NRF1: variants seen among roughly 807,000 people sequenced by gnomAD.
NRF1 encodes alpha palindromic-binding protein.
In NRF1, 5 loss-of-function variants were observed where a neutral mutation model predicts 58.5. That is an observed-to-expected ratio of 0.09 (90% CI 0.04 to 0.18). NRF1 has a LOEUF of 0.18. NRF1 is among the 10% of genes least tolerant of loss of function. The pLI, the probability that NRF1 is intolerant of heterozygous loss-of-function variation, is 1.00. For missense variants in NRF1, 288 were observed against 657.7 expected (o/e 0.44, Z 6.15); for synonymous variants, 224 against 246.7 (o/e 0.91, Z 0.86).
intron 10 of NRF1, among the ~76,000 whole-genome samples, chr7:129,743,811 G>A (rs752155817): frequency 4.6e-5 from 7 of 152,182 alleles, no homozygotes; most frequent in Non-Finnish European, 7.3e-5. Context: ...TCTGCCCCCC[G>A]ACCCAGCTGC....
At position 129,657,630 on chromosome 7, in the gene NRF1, G is replaced by A. The variant is rs936440167; in HGVS notation, c.223+56G>A. 2.8e-5 allele frequency: 28 copies of A among 995,700 alleles called. No homozygotes were observed. The African/African-American group carries it at 4.1e-4, about 14-fold the overall frequency. The allele number at this position is 995,700 out of a possible 1,614,324, so 61.7% of individuals were successfully genotyped here. A position where few individuals can be genotyped will look rare whatever the true frequency, so the allele number is the denominator to read the frequency against. On this transcript the variant is annotated intron_variant, in intron 2 of 10. Transcript: ENST00000393232. ...TAATTTTTTTTTTTTTTTTTTTGGA[G>A]ACAGCGTCTCACTCTGTTGCTCAGG...
chr7:129,694,677 C>G (rs1015533262), intron 5 of NRF1, among the ~76,000 whole-genome samples: 8 of 152,050 alleles, frequency 5.3e-5, no homozygotes, highest in African/African-American at 1.7e-4. Flanking sequence ...CAATAGCTCT[C>G]TTTTATAATT....
At chr7:129,662,764 A>AT (rs1554406205) in intron 2 of NRF1, among the ~76,000 whole-genome samples, 3 of 151,684 alleles carry the variant, frequency 2.0e-5, no homozygotes, top group African/African-American at 4.9e-5. Flanking sequence ...TTATTTATTT[A>AT]TTTTAGTATT....
chr7:129,719,378 C>T (rs1367708521), intron 9 of NRF1, among the ~76,000 whole-genome samples: 2 of 152,046 alleles, frequency 1.3e-5, no homozygotes, highest in African/African-American at 2.4e-5. Context: ...GTGATCCACC[C>T]GCCTCAGCCT....
intron 5 of NRF1, among the ~76,000 whole-genome samples, chr7:129,693,894 T>C (rs969746080): frequency 2.6e-5 from 4 of 152,192 alleles, no homozygotes; most frequent in African/African-American, 9.7e-5. Flanking sequence ...ATTTGGTGTG[T>C]TAGGGTAAAG....
chr7:129,635,153 TTAAG>T (rs1801140892), intron 1 of NRF1, among the ~76,000 whole-genome samples: 1 of 152,184 alleles, frequency 6.6e-6, no homozygotes, highest in Non-Finnish European at 1.5e-5. Context: ...GATTGTAGCA[TTAAG>T]TAAGGTATTG....
At chr7:129,632,648 A>C (rs1386905079) in intron 1 of NRF1, among the ~76,000 whole-genome samples, 2 of 152,060 alleles carry the variant, frequency 1.3e-5, no homozygotes, top group East Asian at 1.9e-4. Context: ...GAAAAAAAAA[A>C]CAATGTTTGG....
At chr7:129,743,091 G>A (rs187961606) in intron 10 of NRF1, among the ~76,000 whole-genome samples, 1 of 151,540 alleles carries the variant, frequency 6.6e-6, no homozygotes, top group African/African-American at 2.4e-5. Context: ...TTCCAGCCAT[G>A]TTACCTAGAC....
intron 10 of NRF1, among the ~76,000 whole-genome samples, chr7:129,752,713 A>G (rs769716905): frequency 6.6e-6 from 1 of 152,156 alleles, no homozygotes; most frequent in Non-Finnish European, 1.5e-5. Flanking sequence ...AATAAATAAT[A>G]ATAAAGAAAG....
intron 10 of NRF1, among the ~76,000 whole-genome samples, chr7:129,729,226 G>A (rs1803521825): frequency 2.3e-5 from 1 of 44,122 alleles, no homozygotes; most frequent in Non-Finnish European, 9.2e-5. Context: ...TCAGATGGAT[G>A]AATTTATAAT....
At chr7:129,711,315 G>T (rs1803067644) in intron 7 of NRF1, among the ~76,000 whole-genome samples, 160 bp from the exon 8 acceptor site, 1 of 152,138 alleles carries the variant, frequency 6.6e-6, no homozygotes, top group Non-Finnish European at 1.5e-5. Context: ...GATAGTCTCT[G>T]AACTATGATT....
At chr7:129,737,903 G>C (rs1562989173) in intron 10 of NRF1, among the ~76,000 whole-genome samples, 1 of 152,206 alleles carries the variant, frequency 6.6e-6, no homozygotes, top group Non-Finnish European at 1.5e-5. Context: ...CTCAGGACTT[G>C]AAGCAGGCAG....
intron 3 of NRF1, among the ~76,000 whole-genome samples, chr7:129,673,267 G>A (rs1050538196): frequency 3.9e-5 from 6 of 152,224 alleles, no homozygotes; most frequent in African/African-American, 1.2e-4. Context: ...TGGAGACAGT[G>A]AATATAAACC....
chr7:129,641,616 TTA>T (rs1398017304), intron 1 of NRF1: 1 of 152,226 alleles, frequency 6.6e-6, no homozygotes, highest in Non-Finnish European at 1.5e-5. Flanking sequence ...CTCAAAATGT[TTA>T]TGTCTTTTAA....
intron 1 of NRF1, among the ~76,000 whole-genome samples, chr7:129,619,309 T>TC (rs1438195795): frequency 6.9e-6 from 1 of 144,396 alleles, no homozygotes; most frequent in South Asian, 2.2e-4. Flanking sequence ...ACCCAGCACT[T>TC]CAAGACCAGC....
rs1803999918 is a variant in NRF1 at position 129,747,362 on chromosome 7, C to T, written c.1349-7656C>T. ...TGATTTCATGGCTGTTATCTTTAATCTTTACATCTTTGAAGGCCTTTGGTG... is the reference window on the plus strand; with the variant it reads ...TGATTTCATGGCTGTTATCTTTAATTTTTACATCTTTGAAGGCCTTTGGTG... On this transcript the variant is annotated intron_variant, in intron 10 of 10. Coordinates refer to ENST00000393232, the MANE Select transcript of NRF1 (RefSeq NM_005011.5). Among the ~76,000 whole-genome samples the T allele has an allele frequency of 2.0e-5, 3 of 152,184 alleles. No homozygotes were observed. In the South Asian group the frequency reaches 6.2e-4, roughly 32 times the overall value.
intron 5 of NRF1, among the ~76,000 whole-genome samples, chr7:129,697,637 C>T (rs970541653): frequency 2.0e-5 from 3 of 152,106 alleles, no homozygotes; most frequent in African/African-American, 7.2e-5. Flanking sequence ...TTCATATTGC[C>T]AGTGCTTTTT....
At chr7:129,611,916 G>C (rs1465021980) in intron 1 of NRF1, 92 bp downstream of exon 1, 1 of 148,664 alleles carries the variant, frequency 6.7e-6, no homozygotes, top group Admixed American at 6.7e-5. Context: ...CCGCCCCGCA[G>C]CCGGCACCCT....
intron 10 of NRF1, among the ~76,000 whole-genome samples, chr7:129,742,456 A>G (rs1803871780): frequency 2.0e-5 from 3 of 152,110 alleles, no homozygotes; most frequent in Admixed American, 2.0e-4. Flanking sequence ...TGCCCAGCCC[A>G]TCCTCTCCTT....
Sources: gnomAD v4.1 joint callset for allele counts (sites outside exome capture counted in the v4.1 genomes callset) on GRCh38, gnomAD v4.1.1 for gene constraint, MANE v1.5 for transcripts, NCBI Gene and HGNC (gene_info 2026-07-23, HGNC 2026-07-21) for gene names.